Variants in ADCY2 observed in about 807,000 individuals in gnomAD.
ADCY2 encodes adenylate cyclase 2.
Under a neutral mutation model 125.2 loss-of-function variants are expected in ADCY2, and 31 were observed. The ratio of observed to expected loss-of-function variants is 0.25; its 90% CI spans 0.19 to 0.33. The LOEUF (loss-of-function observed/expected upper bound fraction) is 0.33, where lower values mean the gene tolerates loss of function less well. Among genes scored for constraint, ADCY2 ranks in the 10% least tolerant of loss-of-function variants. The probability of loss-of-function intolerance (pLI) is 1.00; values close to 1 mark genes in which losing one functional copy is unlikely to be tolerated. For synonymous variants in ADCY2, 512 were observed against 548.4 expected, an observed-to-expected ratio of 0.93 and a Z score of 0.93; for missense variants, 904 against 1,418.2, an observed-to-expected ratio of 0.64 and a Z score of 5.82.
intron 2 of ADCY2, among the ~76,000 whole-genome samples, chr5:7,463,407 CG>C (rs1228778834): frequency 2.6e-5 from 4 of 151,856 alleles, no homozygotes; most frequent in Non-Finnish European, 5.9e-5. Flanking sequence ...TTCTTTTTTG[CG>C]CTTGTGAAAT....
chr5:7,553,062 GA>G (rs1735388389), intron 3 of ADCY2, among the ~76,000 whole-genome samples: 1 of 152,134 alleles, frequency 6.6e-6, no homozygotes, highest in African/African-American at 2.4e-5. Flanking sequence ...AGCCTGATAA[GA>G]CTCAGACTCA....
chr5:7,535,279 G>A, intron 3 of ADCY2, among the ~76,000 whole-genome samples: 1 of 152,156 alleles, frequency 6.6e-6, no homozygotes, highest in East Asian at 1.9e-4. Context: ...CTGACCTCAG[G>A]TGATACACCC....
chr5:7,591,260 A>G (rs1274543825), intron 3 of ADCY2, among the ~76,000 whole-genome samples: 1 of 152,178 alleles, frequency 6.6e-6, no homozygotes, highest in East Asian at 1.9e-4. Flanking sequence ...TTTTTATGCA[A>G]TGAAACTTGT....
chr5:7,426,153 A>T (rs1161217592), intron 2 of ADCY2, among the ~76,000 whole-genome samples: 1 of 152,208 alleles, frequency 6.6e-6, no homozygotes, highest in Non-Finnish European at 1.5e-5. Flanking sequence ...CAGACAGCTT[A>T]CCTTCTATTT....
At chr5:7,516,056 T>A (rs757270660) in intron 2 of ADCY2, among the ~76,000 whole-genome samples, 1 of 151,904 alleles carries the variant, frequency 6.6e-6, no homozygotes, top group Non-Finnish European at 1.5e-5. Context: ...CTATCTGGAT[T>A]AGAGAAAGGA....
intron 11 of ADCY2, among the ~76,000 whole-genome samples, chr5:7,713,600 T>C (rs1460635856): frequency 6.6e-6 from 1 of 152,106 alleles, no homozygotes; most frequent in Non-Finnish European, 1.5e-5. Context: ...GGTTATCCAC[T>C]CTGCTCAAAA....
At chr5:7,420,422 G>A (rs1437360987) in intron 2 of ADCY2, among the ~76,000 whole-genome samples, 5 of 152,254 alleles carry the variant, frequency 3.3e-5, no homozygotes, top group Admixed American at 1.3e-4. Context: ...GGGGACCCTG[G>A]GTGTGGGTCA....
chr5:7,407,394 G>C (rs1739535941), intron 1 of ADCY2, among the ~76,000 whole-genome samples: 1 of 152,126 alleles, frequency 6.6e-6, no homozygotes. Context: ...TGCATTGCTG[G>C]GGAAGCCTCA....
intron 16 of ADCY2, among the ~76,000 whole-genome samples, chr5:7,760,354 A>G (rs556709349): frequency 1.3e-5 from 2 of 152,308 alleles, no homozygotes; most frequent in South Asian, 4.1e-4. Context: ...TCGGAAGTTG[A>G]CTCCGTAGCC....
chr5:7,804,756 G>T (rs988382079), intron 22 of ADCY2, 64 bp downstream of exon 22: 2 of 1,201,272 alleles, frequency 1.7e-6, no homozygotes, highest in African/African-American at 3.0e-5. Context: ...ACCACCCTGG[G>T]ACCAAAACAG....
chr5:7,669,055 A>G (rs1487978749), intron 4 of ADCY2, among the ~76,000 whole-genome samples: 2 of 152,200 alleles, frequency 1.3e-5, no homozygotes, highest in Non-Finnish European at 2.9e-5. Context: ...TGATGGTGGG[A>G]AGCAGTGCAC....
chr5:7,450,096 C>T (rs866044106), intron 2 of ADCY2, among the ~76,000 whole-genome samples: 3 of 152,070 alleles, frequency 2.0e-5, no homozygotes, highest in Admixed American at 6.6e-5. Context: ...CCTACAGTAG[C>T]CTCTAAGTGT....
chr5:7,769,509 A>G (rs1337802506), intron 17 of ADCY2, among the ~76,000 whole-genome samples: 1 of 152,220 alleles, frequency 6.6e-6, no homozygotes, highest in Non-Finnish European at 1.5e-5. Context: ...AATAATGAAT[A>G]GTGGCTAAAG....
chr5:7,489,483 C>T (rs965084726), intron 2 of ADCY2, among the ~76,000 whole-genome samples: 1 of 152,178 alleles, frequency 6.6e-6, no homozygotes, highest in Non-Finnish European at 1.5e-5. Flanking sequence ...GATTCTATCA[C>T]ATCCCTGTGC....
intron 4 of ADCY2, among the ~76,000 whole-genome samples, chr5:7,664,406 C>T (rs554489675): frequency 6.6e-6 from 1 of 152,304 alleles, no homozygotes; most frequent in African/African-American, 2.4e-5. Flanking sequence ...GGAGGACTTT[C>T]CCTTCAGGAA....
chr5:7,817,076 T>A, intron 23 of ADCY2, 96 bp downstream of exon 23: 1 of 900,898 alleles, frequency 1.1e-6, no homozygotes, highest in Non-Finnish European at 1.8e-6. Context: ...AGTGTTGGAG[T>A]AGAACAATTA....
At chr5:7,666,080 C>T (rs2914298) in intron 4 of ADCY2, among the ~76,000 whole-genome samples, 38,631 of 150,762 alleles carry the variant, frequency 0.26, 5,293 homozygotes, top group Admixed American at 0.42. Context: ...CCTCGTGATC[C>T]GCCCGCCTTG....
chr5:7,472,170 G>A (rs1357234433), intron 2 of ADCY2, among the ~76,000 whole-genome samples: 1 of 152,014 alleles, frequency 6.6e-6, no homozygotes, highest in East Asian at 1.9e-4. Context: ...AGGCTGCTTG[G>A]TATTGTTGCA....
intron 3 of ADCY2, among the ~76,000 whole-genome samples, chr5:7,540,483 G>A (rs1734959401): frequency 1.3e-5 from 2 of 152,124 alleles, no homozygotes; most frequent in Admixed American, 1.3e-4. Flanking sequence ...CCCCAAATGT[G>A]TCTGAACATC....
Sources: gnomAD v4.1 joint callset for allele counts (sites outside exome capture counted in the v4.1 genomes callset) on GRCh38, gnomAD v4.1.1 for gene constraint, MANE v1.5 for transcripts, NCBI Gene and HGNC (gene_info 2026-07-23, HGNC 2026-07-21) for gene names.